MPPED1: variants seen among roughly 807,000 people sequenced by gnomAD.
MPPED1 encodes metallophosphoesterase domain-containing protein 1.
A neutral mutation model predicts 36.2 loss-of-function variants in MPPED1; 16 were observed. The ratio of observed to expected loss-of-function variants is 0.44; its 90% CI spans 0.30 to 0.67. MPPED1 has a LOEUF of 0.67. MPPED1 is among the 30% of genes least tolerant of loss of function. The pLI is 0.10. For synonymous variants in MPPED1, 199 were observed against 191.3 expected (o/e 1.04, Z -0.33); for missense variants, 307 against 453.4 (o/e 0.68, Z 2.93).
intron 3 of MPPED1, among the ~76,000 whole-genome samples, chr22:43,463,946 T>C (rs1187219253): frequency 6.6e-6 from 1 of 151,698 alleles, no homozygotes; most frequent in South Asian, 2.1e-4. Context: ...TCTTGCTCTG[T>C]TGCCCAGGCT....
At chr22:43,472,496 G>A (rs537314953) in intron 3 of MPPED1, among the ~76,000 whole-genome samples, 1 of 152,358 alleles carries the variant, frequency 6.6e-6, no homozygotes, top group African/African-American at 2.4e-5. Flanking sequence ...GTGGGTCTGG[G>A]ATCCAGGCTG....
intron 1 of MPPED1, chr22:43,416,633 G>A (rs545697302): frequency 6.6e-6 from 1 of 152,276 alleles, no homozygotes; most frequent in African/African-American, 2.4e-5. Context: ...ATGTCTGTGT[G>A]CATGTTTGAA....
intron 3 of MPPED1, among the ~76,000 whole-genome samples, chr22:43,456,388 A>G (rs1219318092): frequency 6.6e-6 from 1 of 152,178 alleles, no homozygotes; most frequent in Non-Finnish European, 1.5e-5. Flanking sequence ...CAGCCTCCCA[A>G]ATAGCTGGGA....
intron 2 of MPPED1, among the ~76,000 whole-genome samples, chr22:43,431,873 G>T (rs563616577): frequency 6.6e-6 from 1 of 152,334 alleles, no homozygotes; most frequent in African/African-American, 2.4e-5. Flanking sequence ...CTTTCTCTGG[G>T]GATGACTAGG....
At chr22:43,493,238 C>T (rs1932156723) in intron 4 of MPPED1, among the ~76,000 whole-genome samples, 2 of 152,324 alleles carry the variant, frequency 1.3e-5, no homozygotes, top group African/African-American at 4.8e-5. Context: ...CATTCCCTCG[C>T]CAAACCTCCA....
At chr22:43,480,118 G>A (rs1302688897) in intron 4 of MPPED1, among the ~76,000 whole-genome samples, 1 of 152,208 alleles carries the variant, frequency 6.6e-6, no homozygotes, top group Non-Finnish European at 1.5e-5. Context: ...CAGTGGGTTA[G>A]ATCGTAATGG....
rs1050333081 is a variant in MPPED1 at position 43,502,410 on chromosome 22, C to A, written c.749-234C>A. ...CCATGCTGAGCTCTTTCAAGGAGGC[C>A]CTCAGTGCAGCCCTATGGAGGAGGA... is the stretch of plus-strand genomic sequence containing the variant. On this transcript the variant is annotated intron_variant, in intron 5 of 6. Transcript: ENST00000443721. This position sits in a 1 kb window ranked among gnomAD's most constrained non-coding sequence, Gnocchi z 5.5. Among the ~76,000 whole-genome samples, 7 of 152,198 alleles carry A rather than the reference C, an allele frequency of 4.6e-5. No homozygotes were observed. Among genetic ancestry groups the A allele is most frequent in the Admixed American group, 1.3e-4 (2 of 15,284 alleles).
chr22:43,495,681 A>T (rs1236877461), intron 4 of MPPED1, among the ~76,000 whole-genome samples: 1 of 29,554 alleles, frequency 3.4e-5, no homozygotes, highest in Non-Finnish European at 6.0e-5. Flanking sequence ...GTGGTGGTGG[A>T]GATGGTGGTG....
chr22:43,498,450 G>A, intron 5 of MPPED1, 100 bp downstream of exon 5: 1 of 863,512 alleles, frequency 1.2e-6, no homozygotes, highest in Non-Finnish European at 1.7e-6. Flanking sequence ...GAGCCCTGGA[G>A]GGGTTCTGAG....
chr22:43,421,204 G>C (rs1281573196), intron 1 of MPPED1, among the ~76,000 whole-genome samples: 1 of 152,256 alleles, frequency 6.6e-6, no homozygotes, highest in East Asian at 1.9e-4. Context: ...CCTCCTCCGT[G>C]GATCGGCTGC....
intron 3 of MPPED1, among the ~76,000 whole-genome samples, chr22:43,461,849 A>G (rs1449134739): frequency 6.6e-6 from 1 of 152,206 alleles, no homozygotes; most frequent in African/African-American, 2.4e-5. Context: ...TAACTTTATT[A>G]GCCTCGATTT....
chr22:43,420,927 T>C (rs1049177008), intron 1 of MPPED1, among the ~76,000 whole-genome samples: 1 of 152,238 alleles, frequency 6.6e-6, no homozygotes, highest in Non-Finnish European at 1.5e-5. Flanking sequence ...CCTTGGCTAA[T>C]GGTTGTTGAA....
At chr22:43,500,097 G>A (rs1455266777) in intron 5 of MPPED1, among the ~76,000 whole-genome samples, 1 of 122,808 alleles carries the variant, frequency 8.1e-6, no homozygotes, top group Non-Finnish European at 1.7e-5. Flanking sequence ...GGCGATGGAG[G>A]TGGTAGTGGG....
chr22:43,496,044 T>A (rs1477708202), intron 4 of MPPED1, among the ~76,000 whole-genome samples: 62 of 38,168 alleles, frequency 1.6e-3, no homozygotes, highest in Non-Finnish European at 1.8e-3. Flanking sequence ...GTGGTGGTGG[T>A]GGAGGTGGTG....
intron 3 of MPPED1, among the ~76,000 whole-genome samples, chr22:43,471,216 C>T (rs1326349698): frequency 2.0e-5 from 3 of 152,266 alleles, no homozygotes; most frequent in Non-Finnish European, 4.4e-5. Flanking sequence ...GACATAAATA[C>T]ATGAGCACTG....
At chr22:43,485,514 C>T (rs1958574491) in intron 4 of MPPED1, among the ~76,000 whole-genome samples, 1 of 151,928 alleles carries the variant, frequency 6.6e-6, no homozygotes, top group Admixed American at 6.6e-5. Context: ...ACGTCATACA[C>T]ATTCACACAC....
At chr22:43,487,749 A>T (rs1432473460) in intron 4 of MPPED1, among the ~76,000 whole-genome samples, 1 of 152,164 alleles carries the variant, frequency 6.6e-6, no homozygotes, top group Admixed American at 6.5e-5. Flanking sequence ...AGGAGCTCTG[A>T]GCCCTGGCCC....
chr22:43,427,168 T>C (rs1929506825), intron 2 of MPPED1, among the ~76,000 whole-genome samples: 1 of 152,198 alleles, frequency 6.6e-6, no homozygotes, highest in South Asian at 2.1e-4. Flanking sequence ...CATGGACAGC[T>C]GTCAATCACG....
chr22:43,494,694 A>AGTG (rs540041967), intron 4 of MPPED1, among the ~76,000 whole-genome samples: 2,940 of 136,892 alleles, frequency 0.021, 143 homozygotes, highest in African/African-American at 0.078. Flanking sequence ...TTTGATTCAC[A>AGTG]GTGGTGGTGG....
Sources: allele counts gnomAD v4.1 joint callset (sites outside exome capture counted in the v4.1 genomes callset), GRCh38; gene constraint gnomAD v4.1.1; non-coding constraint Gnocchi (gnomAD v3.1); transcripts MANE v1.5; gene names NCBI Gene and HGNC (gene_info 2026-07-23, HGNC 2026-07-21).